The following ELMO1 variants were observed in gnomAD, a reference collection of about 807,000 sequenced individuals.
The protein encoded by ELMO1 is engulfment and cell motility protein 1.
In ELMO1, 26 loss-of-function variants were observed where a neutral mutation model predicts 98.9. That is an observed-to-expected ratio of 0.26 (90% CI 0.19 to 0.36). The LOEUF is 0.36. ELMO1 is among the 10% of genes least tolerant of loss of function. The pLI, the probability that ELMO1 is intolerant of heterozygous loss-of-function variation, is 1.00. For missense variants in ELMO1, 627 were observed against 935.2 expected, an observed-to-expected ratio of 0.67 and a Z score of 4.30; for synonymous variants, 346 against 346.0, an observed-to-expected ratio of 1.00 and a Z score of 0.00.
intron 13 of ELMO1, among the ~76,000 whole-genome samples, chr7:37,172,414 T>G (rs975596674): frequency 3.9e-5 from 6 of 152,218 alleles, no homozygotes; most frequent in Admixed American, 3.9e-4. Flanking sequence ...TCTCTCTGTA[T>G]TTCTCTGAAC....
At chr7:36,931,768 C>T in intron 16 of ELMO1, among the ~76,000 whole-genome samples, 1 of 152,192 alleles carries the variant, frequency 6.6e-6, no homozygotes, top group East Asian at 1.9e-4. Flanking sequence ...AAATCCAATG[C>T]TTGAGCTGCG....
At chr7:37,414,003 A>C (rs1193556586) in intron 1 of ELMO1, among the ~76,000 whole-genome samples, 1 of 152,124 alleles carries the variant, frequency 6.6e-6, no homozygotes, top group East Asian at 1.9e-4. Flanking sequence ...GAACAGAGGG[A>C]AACTGTGAAG....
At chr7:37,318,297 T>C (rs966759430) in intron 2 of ELMO1, among the ~76,000 whole-genome samples, 2 of 152,166 alleles carry the variant, frequency 1.3e-5, no homozygotes, top group Admixed American at 1.3e-4. Flanking sequence ...CATCGATCTG[T>C]GATTACTTAT....
intron 14 of ELMO1, among the ~76,000 whole-genome samples, chr7:37,131,899 G>T (rs932164672): frequency 2.0e-5 from 3 of 152,086 alleles, no homozygotes; most frequent in African/African-American, 7.2e-5. Context: ...TTCCTAAAGA[G>T]AACTCAGTGA....
At chr7:37,098,787 C>T (rs1051170125) in intron 14 of ELMO1, among the ~76,000 whole-genome samples, 1 of 152,154 alleles carries the variant, frequency 6.6e-6, no homozygotes, top group African/African-American at 2.4e-5. Context: ...GTATCTGAGA[C>T]AGCCAGATCA....
chr7:37,201,715 AG>A (rs1282741925), intron 13 of ELMO1, among the ~76,000 whole-genome samples: 1 of 152,250 alleles, frequency 6.6e-6, no homozygotes, highest in Non-Finnish European at 1.5e-5. Flanking sequence ...GCAGCTGGTC[AG>A]CCAGAGTTCA....
intron 4 of ELMO1, among the ~76,000 whole-genome samples, chr7:37,289,134 T>C (rs1584921838): frequency 6.6e-6 from 1 of 152,318 alleles, no homozygotes; most frequent in East Asian, 1.9e-4. Context: ...ATCAAATGTG[T>C]TCATCAAATG....
At chr7:37,081,050 C>T (rs1304251639) in intron 15 of ELMO1, among the ~76,000 whole-genome samples, 1 of 152,080 alleles carries the variant, frequency 6.6e-6, no homozygotes, top group Non-Finnish European at 1.5e-5. Context: ...TTACCTTTCT[C>T]CAACTAAAAT....
chr7:37,135,598 G>T (rs897695052), intron 13 of ELMO1, among the ~76,000 whole-genome samples: 1 of 152,176 alleles, frequency 6.6e-6, no homozygotes, highest in Non-Finnish European at 1.5e-5. Context: ...GGGTAGCTCT[G>T]CTGGGTGGCT....
At chr7:37,353,208 C>T (rs941324528) in intron 1 of ELMO1, 3 of 152,200 alleles carry the variant, frequency 2.0e-5, no homozygotes, top group Non-Finnish European at 4.4e-5. Flanking sequence ...ATTTCCTGAG[C>T]CTGCTAAGGT....
intron 16 of ELMO1, among the ~76,000 whole-genome samples, chr7:36,915,967 A>G (rs1209566159): frequency 1.3e-5 from 2 of 152,212 alleles, no homozygotes; most frequent in African/African-American, 2.4e-5. Flanking sequence ...TTGTGAGTGG[A>G]AAGAACAGAC....
At chr7:37,216,826 C>T in intron 10 of ELMO1, 131 bp from the exon 11 acceptor site, 1 of 851,642 alleles carries the variant, frequency 1.2e-6, no homozygotes, top group Non-Finnish European at 1.9e-6. Flanking sequence ...AAATAATGAA[C>T]TCAAACAGGC....
chr7:37,025,389 T>C (rs563960228), intron 15 of ELMO1, among the ~76,000 whole-genome samples: 70 of 152,174 alleles, frequency 4.6e-4, no homozygotes, highest in Non-Finnish European at 8.1e-4. Context: ...ATTCTATGCA[T>C]CAACCTGACT....
At chr7:37,367,421 T>C (rs1264192269) in intron 1 of ELMO1, among the ~76,000 whole-genome samples, 1 of 152,216 alleles carries the variant, frequency 6.6e-6, no homozygotes, top group South Asian at 2.1e-4. Context: ...CCATTTTACC[T>C]GTGGTCACAT....
intron 20 of ELMO1, among the ~76,000 whole-genome samples, chr7:36,866,528 T>C (rs1209932719): frequency 6.6e-6 from 1 of 152,162 alleles, no homozygotes; most frequent in Non-Finnish European, 1.5e-5. Context: ...AAAGGACCAA[T>C]TTTCTTCTTT....
chr7:36,874,695 G>A (rs1803799245), intron 19 of ELMO1, among the ~76,000 whole-genome samples: 1 of 152,208 alleles, frequency 6.6e-6, no homozygotes, highest in Non-Finnish European at 1.5e-5. Context: ...TCTGATGTGG[G>A]AGTGAGGAAT....
intron 4 of ELMO1, among the ~76,000 whole-genome samples, chr7:37,314,465 A>G (rs1438047821): frequency 6.6e-6 from 1 of 152,192 alleles, no homozygotes; most frequent in Non-Finnish European, 1.5e-5. Flanking sequence ...CACATTTGAA[A>G]AGGTTTCTTG....
At chr7:36,881,646 A>C (rs768293995) in intron 18 of ELMO1, among the ~76,000 whole-genome samples, 1 of 152,106 alleles carries the variant, frequency 6.6e-6, no homozygotes, top group East Asian at 1.9e-4. Context: ...TCGTGTTTCA[A>C]TCTTTTTCTT....
chr7:36,893,771 G>GT (rs1337520312), intron 17 of ELMO1, among the ~76,000 whole-genome samples: 1 of 152,112 alleles, frequency 6.6e-6, no homozygotes, highest in Non-Finnish European at 1.5e-5. Context: ...TTGCATAGGA[G>GT]TAAGACCTGC....
Sources: gnomAD v4.1 joint callset for allele counts (sites outside exome capture counted in the v4.1 genomes callset) on GRCh38, gnomAD v4.1.1 for gene constraint, MANE v1.5 for transcripts, NCBI Gene and HGNC (gene_info 2026-07-23, HGNC 2026-07-21) for gene names.